The following KIAA1549L variants were observed in gnomAD, a reference collection of about 807,000 sequenced individuals.
KIAA1549L encodes UPF0606 protein KIAA1549L.
In KIAA1549L, 88 loss-of-function variants were observed where a neutral mutation model predicts 160.7. The ratio of observed to expected loss-of-function variants is 0.55; its 90% CI spans 0.46 to 0.65. The LOEUF is 0.65. Among genes scored for constraint, KIAA1549L ranks in the 30% least tolerant of loss-of-function variants. The probability of loss-of-function intolerance (pLI) is 0.00; values close to 1 mark genes in which losing one functional copy is unlikely to be tolerated. For missense variants in KIAA1549L, 2,258 were observed against 2,437.5 expected (o/e 0.93, Z 1.55); for synonymous variants, 950 against 976.7 (o/e 0.97, Z 0.51).
intron 9 of KIAA1549L, among the ~76,000 whole-genome samples, chr11:33,572,462 C>G (rs1855295792): frequency 6.6e-6 from 1 of 152,192 alleles, no homozygotes; most frequent in Admixed American, 6.5e-5. Flanking sequence ...TTTCCAAACA[C>G]TTCCATAAGG....
At position 33,527,990 on chromosome 11, in the gene KIAA1549L, G is replaced by T. The variant is rs547805293; in HGVS notation, c.239-13812G>T. Among the ~76,000 whole-genome samples the T allele has an allele frequency of 7.0e-4, 107 of 152,206 alleles. 1 individual carries two copies. Among genetic ancestry groups the T allele is most frequent in the African/African-American group, 2.6e-3 (106 of 41,528 alleles). ...TCTCATGATAGTGAATAAGTCTCAC[G>T]AAATCTGATGGTTTTATAAAGGGGA... On this transcript the variant is annotated intron_variant, in intron 1 of 20. Coordinates refer to ENST00000658780, the MANE Select transcript of KIAA1549L (RefSeq NM_012194.3).
intron 1 of KIAA1549L, among the ~76,000 whole-genome samples, chr11:33,510,167 A>G (rs1853193117): frequency 1.3e-5 from 2 of 151,824 alleles, no homozygotes; most frequent in Admixed American, 6.6e-5. Context: ...TCTCTTTCAT[A>G]TATCTCTCTC....
At chr11:33,395,753 G>A (rs1384387917) in intron 1 of KIAA1549L, among the ~76,000 whole-genome samples, 4 of 151,940 alleles carry the variant, frequency 2.6e-5, no homozygotes, top group Non-Finnish European at 5.9e-5. Flanking sequence ...CCTGTATGTA[G>A]TAAATTCTGA....
At chr11:33,642,493 T>G (rs1435266547) in intron 16 of KIAA1549L, among the ~76,000 whole-genome samples, 1 of 152,134 alleles carries the variant, frequency 6.6e-6, no homozygotes, top group East Asian at 1.9e-4. Context: ...CTGACGCATG[T>G]GGCCTCTGCT....
intron 19 of KIAA1549L, among the ~76,000 whole-genome samples, chr11:33,659,308 T>A (rs1852183101): frequency 1.3e-5 from 2 of 152,254 alleles, no homozygotes; most frequent in Non-Finnish European, 2.9e-5. Flanking sequence ...TATATTAATG[T>A]TTAATGTATT....
At chr11:33,457,495 G>A (rs1004145603) in intron 1 of KIAA1549L, among the ~76,000 whole-genome samples, 7 of 152,158 alleles carry the variant, frequency 4.6e-5, no homozygotes, top group Non-Finnish European at 7.3e-5. Flanking sequence ...TCTCAGCTGC[G>A]AACCTTGACT....
intron 17 of KIAA1549L, among the ~76,000 whole-genome samples, chr11:33,650,998 A>G (rs1316606704): frequency 6.6e-6 from 1 of 152,198 alleles, no homozygotes; most frequent in Non-Finnish European, 1.5e-5. Flanking sequence ...GAGACAGGAC[A>G]GAAGGCCCCT....
intron 9 of KIAA1549L, among the ~76,000 whole-genome samples, chr11:33,571,628 G>A (rs558647619): frequency 2.2e-4 from 34 of 152,090 alleles, no homozygotes; most frequent in African/African-American, 6.3e-4. Flanking sequence ...GAGGCTCCAC[G>A]CACATTAAAC....
chr11:33,412,025 G>A (rs1184136943), intron 1 of KIAA1549L, among the ~76,000 whole-genome samples: 1 of 152,178 alleles, frequency 6.6e-6, no homozygotes, highest in East Asian at 1.9e-4. Flanking sequence ...ACAATTGCAG[G>A]TCTGAAATGT....
intron 9 of KIAA1549L, 111 bp from the exon 10 acceptor site, chr11:33,574,591 T>C (rs1019526290): frequency 1.6e-5 from 16 of 990,776 alleles, no homozygotes; most frequent in Non-Finnish European, 2.2e-5. Flanking sequence ...GGTTGGCGTC[T>C]AGCCACAGAA....
chr11:33,637,432 C>T (rs1302965881), intron 16 of KIAA1549L, among the ~76,000 whole-genome samples: 3 of 152,230 alleles, frequency 2.0e-5, no homozygotes, highest in Non-Finnish European at 4.4e-5. Flanking sequence ...ACAGTCCAGC[C>T]TTCTTACCAT....
At chr11:33,446,066 G>A (rs1339389385) in intron 1 of KIAA1549L, among the ~76,000 whole-genome samples, 1 of 151,136 alleles carries the variant, frequency 6.6e-6, no homozygotes, top group Non-Finnish European at 1.5e-5. Flanking sequence ...AGGTATTAGG[G>A]ATTGTGGACA....
At chr11:33,467,824 G>A (rs757247924) in intron 1 of KIAA1549L, among the ~76,000 whole-genome samples, 37 of 152,166 alleles carry the variant, frequency 2.4e-4, no homozygotes, top group Non-Finnish European at 3.7e-4. Flanking sequence ...TGGCTTGCTC[G>A]TTTCATACCA....
chr11:33,393,656 G>A (rs979441278), intron 1 of KIAA1549L, among the ~76,000 whole-genome samples: 2 of 152,216 alleles, frequency 1.3e-5, no homozygotes, highest in African/African-American at 4.8e-5. Context: ...ACCGAGGCAT[G>A]TTGCCTCCCG....
chr11:33,633,415 T>C (rs906996513), intron 16 of KIAA1549L, among the ~76,000 whole-genome samples: 1 of 152,040 alleles, frequency 6.6e-6, no homozygotes, highest in African/African-American at 2.4e-5. Flanking sequence ...AGGTTCATGT[T>C]TTAGACACAG....
rs559972699 is a variant in KIAA1549L at position 33,669,886 on chromosome 11, T to TA, written c.*1733dup. ...TATGCTGGTTGATCTTTCATAGTGT[T>TA]AGTGTTTTGTTACTTAAAAAGGAAA... On this transcript the variant is annotated 3_prime_UTR_variant, in exon 21 of 21. Coordinates refer to ENST00000658780, the MANE Select transcript of KIAA1549L (RefSeq NM_012194.3). The TA allele has an allele frequency of 3.9e-4, 59 of 152,352 alleles. No individual in the cohort carries two copies. Among genetic ancestry groups the TA allele is most frequent in the African/African-American group, 1.3e-3 (53 of 41,576 alleles). 9.4% of individuals were successfully genotyped at this position (152,352 alleles called of 1,614,324 possible).
chr11:33,561,334 C>T (rs932895052), intron 7 of KIAA1549L, among the ~76,000 whole-genome samples: 2 of 152,214 alleles, frequency 1.3e-5, no homozygotes, highest in Non-Finnish European at 2.9e-5. Flanking sequence ...AACTCTTCAT[C>T]TACAAGTTGG....
rs765603621 is a variant in KIAA1549L, at chr11:33,544,776, TATC to T, written c.2787_2789del (p.Ser930del). The T allele has an allele frequency of 1.3e-6, 2 of 1,594,660 alleles. No homozygotes were observed. Among genetic ancestry groups the T allele is most frequent in the Admixed American group, 3.4e-5 (2 of 58,424 alleles). On this transcript the variant is annotated inframe_deletion, in exon 3 of 21. Coordinates refer to ENST00000658780, the MANE Select transcript of KIAA1549L (RefSeq NM_012194.3). ...TTTTCTCTCTTTACAGCGGACACAG[TATC>T]ATCTAAGGTACAGCCAACAGCAGCA...
chr11:33,546,324 C>T (rs997934602), intron 3 of KIAA1549L, among the ~76,000 whole-genome samples: 3 of 152,166 alleles, frequency 2.0e-5, no homozygotes, highest in Non-Finnish European at 4.4e-5. Flanking sequence ...ATCTGGGTTT[C>T]CACTCTCTGT....
Sources: allele counts gnomAD v4.1 joint callset (sites outside exome capture counted in the v4.1 genomes callset), GRCh38; gene constraint gnomAD v4.1.1; transcripts MANE v1.5; gene names NCBI Gene and HGNC (gene_info 2026-07-23, HGNC 2026-07-21).